HTR2C: variants seen among roughly 807,000 people sequenced by gnomAD.
HTR2C encodes 5-hydroxytryptamine receptor 2C.
Under a neutral mutation model 21.0 loss-of-function variants are expected in HTR2C, and 5 were observed. The observed-to-expected ratio is 0.24, with a 90% CI of 0.12 to 0.50. The LOEUF is 0.50. Among genes scored for constraint, HTR2C ranks in the 20% least tolerant of loss-of-function variants. HTR2C has a pLI of 0.98. For missense variants in HTR2C, 271 were observed against 371.2 expected, an observed-to-expected ratio of 0.73 and a Z score of 2.22; for synonymous variants, 150 against 145.3, an observed-to-expected ratio of 1.03 and a Z score of -0.23.
At chrX:114,706,475 G>A (rs1184972509) in intron 2 of HTR2C, among the ~76,000 whole-genome samples, 15 of 98,639 alleles carry the variant, frequency 1.5e-4, no homozygotes, top group Admixed American at 4.7e-4. Flanking sequence ...ACCAAACACC[G>A]CATGTTCTCA....
chrX:114,769,327 G>T (rs5988129), intron 4 of HTR2C, among the ~76,000 whole-genome samples: 5,439 of 110,858 alleles, frequency 0.049, 341 homozygotes, highest in African/African-American at 0.17. Context: ...ATTAGGAAAG[G>T]TAGTTATTAT....
intron 4 of HTR2C, among the ~76,000 whole-genome samples, chrX:114,804,354 T>G (rs1328643969): frequency 8.9e-6 from 1 of 111,856 alleles, no homozygotes; most frequent in Non-Finnish European, 1.9e-5. Context: ...CTTCTATTTC[T>G]CATAAGGTTG....
In HTR2C at chrX:114,884,143, A is replaced by G. The variant is rs923318980; in HGVS notation, c.551-22446A>G. ...AAGGCTGAGTAATATTTCATTGTGTATATATTCCACAGTTTATTTATTCAT... is the reference window on the plus strand; with the variant it reads ...AAGGCTGAGTAATATTTCATTGTGTGTATATTCCACAGTTTATTTATTCAT... On this transcript the variant is annotated intron_variant, in intron 5 of 5. Coordinates refer to ENST00000276198, the MANE Select transcript of HTR2C (RefSeq NM_000868.4). Among the ~76,000 whole-genome samples the G allele has an allele frequency of 5.1e-4, 57 of 111,082 alleles. 1 individual carries two copies. The highest frequency in any genetic ancestry group is 1.8e-3 in the African/African-American group (55 of 30,719).
At chrX:114,881,817 T>A (rs1556479896) in intron 5 of HTR2C, among the ~76,000 whole-genome samples, 1 of 110,371 alleles carries the variant, frequency 9.1e-6, no homozygotes, top group Non-Finnish European at 1.9e-5. Flanking sequence ...ACTATTACTC[T>A]GGCTACTCTG....
intron 2 of HTR2C, among the ~76,000 whole-genome samples, chrX:114,654,640 G>T (rs2147837143): frequency 9.1e-6 from 1 of 110,068 alleles, no homozygotes; most frequent in South Asian, 3.8e-4. Context: ...ACTAGGAGCT[G>T]CAGATACAGC....
intron 4 of HTR2C, among the ~76,000 whole-genome samples, chrX:114,822,322 CA>C (rs782727763): frequency 1.7e-4 from 19 of 111,665 alleles, no homozygotes; most frequent in Non-Finnish European, 3.4e-4. Context: ...AATCTAGAGT[CA>C]TAAAGTTAAA....
At chrX:114,802,193 A>G (rs2070352874) in intron 4 of HTR2C, among the ~76,000 whole-genome samples, 1 of 111,366 alleles carries the variant, frequency 9.0e-6, no homozygotes, top group Admixed American at 9.6e-5. Flanking sequence ...TAATAGAATT[A>G]TGGGAGCCAT....
chrX:114,612,257 G>A (rs1928773222), intron 1 of HTR2C, among the ~76,000 whole-genome samples: 1 of 111,446 alleles, frequency 9.0e-6, no homozygotes, highest in Admixed American at 9.6e-5. Context: ...CATTTCCTAT[G>A]TATTTCTCAT....
intron 4 of HTR2C, among the ~76,000 whole-genome samples, chrX:114,764,917 TTCTTTCTTTTCCTTCCTTCCTTC>T (rs2069927673): frequency 1.6e-5 from 1 of 64,157 alleles, no homozygotes; most frequent in African/African-American, 5.6e-5. Flanking sequence ...CTTTCTTTCT[TTCTTTCTTTTCCTTCCTTCCTTC>T]CTTCCTTCCT....
At position 114,910,013 on chromosome X, in the gene HTR2C, A is replaced by G. The variant is rs1292246344; in HGVS notation, c.*2598A>G. ...TCCTAATTCCTGTATGTTATCCACT[A>G]CAGGTTTTATGAGACTTCCTATTAA... is the stretch of plus-strand genomic sequence containing the variant. On this transcript the variant is annotated 3_prime_UTR_variant, in exon 6 of 6. Coordinates refer to ENST00000276198, the MANE Select transcript of HTR2C (RefSeq NM_000868.4). The G allele has an allele frequency of 8.9e-6, 1 of 112,153 alleles. No homozygotes were observed. Among genetic ancestry groups the G allele is most frequent in the African/African-American group, 3.3e-5 (1 of 30,750 alleles). 9.2% of individuals were successfully genotyped at this position (112,153 alleles called of 1,213,427 possible). A position where few individuals can be genotyped will look rare whatever the true frequency, so the allele number is the denominator to read the frequency against.
intron 1 of HTR2C, among the ~76,000 whole-genome samples, chrX:114,585,320 A>T (rs1293831956): frequency 9.0e-6 from 1 of 111,649 alleles, no homozygotes; most frequent in Non-Finnish European, 1.9e-5. Flanking sequence ...GCTGCTGGTG[A>T]TCACGTAAGC....
chrX:114,707,348 G>A, intron 2 of HTR2C, among the ~76,000 whole-genome samples: 1 of 110,998 alleles, frequency 9.0e-6, no homozygotes, highest in Non-Finnish European at 1.9e-5. Context: ...TTGAGCCCAG[G>A]AGATCAAGAC....
chrX:114,830,396 T>A (rs1241421032), intron 4 of HTR2C, among the ~76,000 whole-genome samples: 1 of 111,089 alleles, frequency 9.0e-6, no homozygotes, highest in Admixed American at 9.6e-5. Context: ...GGAAAATAAT[T>A]CTTTTATTGG....
intron 2 of HTR2C, among the ~76,000 whole-genome samples, chrX:114,622,618 T>A (rs1209305104): frequency 8.9e-6 from 1 of 111,798 alleles, no homozygotes; most frequent in African/African-American, 3.3e-5. Flanking sequence ...AAAAATCTCA[T>A]CATCCAATAA....
chrX:114,894,669 A>G (rs2071282880), intron 5 of HTR2C, among the ~76,000 whole-genome samples: 1 of 111,325 alleles, frequency 9.0e-6, no homozygotes, highest in Non-Finnish European at 1.9e-5. Context: ...TAAGGTATTT[A>G]TATTTCAATA....
intron 2 of HTR2C, among the ~76,000 whole-genome samples, chrX:114,664,288 A>G (rs1287434799): frequency 2.7e-5 from 3 of 111,409 alleles, no homozygotes; most frequent in African/African-American, 9.8e-5. Context: ...AATATGTGCT[A>G]TGGTGGTTTG....
chrX:114,876,422 C>CTTTTTTTTT (rs60498146), intron 5 of HTR2C, among the ~76,000 whole-genome samples: 15 of 62,393 alleles, frequency 2.4e-4, no homozygotes, highest in Non-Finnish European at 3.7e-4. Flanking sequence ...CTTTTTCTTT[C>CTTTTTTTTT]TTTTTTTTTT....
intron 2 of HTR2C, among the ~76,000 whole-genome samples, chrX:114,716,900 A>G (rs1231812463): frequency 9.0e-6 from 1 of 111,491 alleles, no homozygotes; most frequent in Non-Finnish European, 1.9e-5. Context: ...TGATTTAGAC[A>G]TCTGCTAAAA....
intron 4 of HTR2C, among the ~76,000 whole-genome samples, chrX:114,789,534 A>G (rs1028424882): frequency 9.0e-6 from 1 of 111,563 alleles, no homozygotes; most frequent in Non-Finnish European, 1.9e-5. Flanking sequence ...AAAGAAAATA[A>G]TTAACTAATT....
Sources: gnomAD v4.1 joint callset for allele counts (sites outside exome capture counted in the v4.1 genomes callset) on GRCh38, gnomAD v4.1.1 for gene constraint, MANE v1.5 for transcripts, NCBI Gene and HGNC (gene_info 2026-07-23, HGNC 2026-07-21) for gene names.